Variants in DIAPH2 observed in about 807,000 individuals in gnomAD.
The protein encoded by DIAPH2 is diaphanous related formin 2.
A neutral mutation model predicts 92.7 loss-of-function variants in DIAPH2; 35 were observed. That is an observed-to-expected ratio of 0.38 (90% CI 0.29 to 0.50). DIAPH2 has a LOEUF of 0.50. Among genes scored for constraint, DIAPH2 ranks in the 20% least tolerant of loss-of-function variants. The probability of loss-of-function intolerance (pLI) is 0.94; values close to 1 mark genes in which losing one functional copy is unlikely to be tolerated. For synonymous variants in DIAPH2, 301 were observed against 280.4 expected, an observed-to-expected ratio of 1.07 and a Z score of -0.73; for missense variants, 701 against 819.5, an observed-to-expected ratio of 0.86 and a Z score of 1.77.
intron 22 of DIAPH2, among the ~76,000 whole-genome samples, chrX:97,161,865 A>G (rs1162049054): frequency 1.8e-5 from 2 of 111,631 alleles, no homozygotes; most frequent in African/African-American, 3.3e-5. Context: ...GGGTTTTACC[A>G]TTATGTTGCA....
intron 23 of DIAPH2, among the ~76,000 whole-genome samples, chrX:97,335,609 T>C (rs2147673439): frequency 8.9e-6 from 1 of 112,340 alleles, no homozygotes; most frequent in South Asian, 3.7e-4. Context: ...ACACCTGTTA[T>C]TTTTTAACTG....
chrX:97,516,355 A>G (rs962797270), intron 26 of DIAPH2, among the ~76,000 whole-genome samples: 4 of 112,334 alleles, frequency 3.6e-5, no homozygotes, highest in Non-Finnish European at 7.5e-5. Context: ...TGTGGGAAAT[A>G]TAAATGTAGA....
At chrX:96,812,213 A>T (rs955546791) in intron 4 of DIAPH2, among the ~76,000 whole-genome samples, 4 of 111,776 alleles carry the variant, frequency 3.6e-5, no homozygotes, top group African/African-American at 1.3e-4. Flanking sequence ...TTATTGGTCT[A>T]TTCAGGGATT....
intron 5 of DIAPH2, among the ~76,000 whole-genome samples, chrX:96,897,529 A>G (rs977268812): frequency 9.0e-6 from 1 of 110,904 alleles, no homozygotes; most frequent in Non-Finnish European, 1.9e-5. Flanking sequence ...AAGCAAATCA[A>G]GAAGATTTTT....
intron 23 of DIAPH2, among the ~76,000 whole-genome samples, chrX:97,300,963 AAAGAAG>A (rs1428181854): frequency 2.2e-3 from 72 of 32,128 alleles, no homozygotes; most frequent in African/African-American, 5.4e-3. Flanking sequence ...AAAAAAAAAA[AAAGAAG>A]AAGAAGAATG....
chrX:96,884,530 G>A (rs2065244278), intron 5 of DIAPH2: 2 of 1,210,450 alleles, frequency 1.7e-6, no homozygotes, highest in East Asian at 3.0e-5. Context: ...AGTTTCCCAG[G>A]TCTCCATCGT....
intron 1 of DIAPH2, among the ~76,000 whole-genome samples, chrX:96,695,146 T>C (rs2063818833): frequency 1.8e-5 from 2 of 111,537 alleles, no homozygotes; most frequent in African/African-American, 3.3e-5. Context: ...AGACAGGGTT[T>C]TGCCATTTTG....
chrX:97,104,032 A>G (rs1195975072), intron 20 of DIAPH2, among the ~76,000 whole-genome samples: 1 of 111,790 alleles, frequency 8.9e-6, no homozygotes, highest in Non-Finnish European at 1.9e-5. Flanking sequence ...CCTTTCAGTC[A>G]GAAATAGATC....
intron 23 of DIAPH2, among the ~76,000 whole-genome samples, chrX:97,289,153 A>G (rs1444786281): frequency 8.9e-6 from 1 of 111,737 alleles, no homozygotes; most frequent in African/African-American, 3.3e-5. Context: ...TGCTCTCTAA[A>G]TTGATGTTAA....
intron 1 of DIAPH2, among the ~76,000 whole-genome samples, chrX:96,721,810 A>G (rs2063990101): frequency 9.0e-6 from 1 of 111,320 alleles, no homozygotes; most frequent in African/African-American, 3.3e-5. Context: ...TTACCTCAGT[A>G]TGCCTTGGTT....
chrX:96,899,044 C>A (rs748161943), intron 5 of DIAPH2, among the ~76,000 whole-genome samples: 4 of 108,399 alleles, frequency 3.7e-5, no homozygotes, highest in Admixed American at 3.0e-4. Flanking sequence ...TGTAGATATG[C>A]GGCATTATTT....
rs1448837676 is a variant in DIAPH2, at chrX:97,094,041, G to A, written c.2248-5653G>A. The stretch of plus-strand genomic sequence containing the variant: ...TGAAAGCTTAGAAGATGAAAAGGAT[G>A]CCAGTTCTGTTGGCAGAATGAAGCC... On this transcript the variant is annotated intron_variant, in intron 19 of 26. Coordinates refer to ENST00000324765, the MANE Select transcript of DIAPH2 (RefSeq NM_006729.5). Among the ~76,000 whole-genome samples the A allele has an allele frequency of 3.6e-5, 4 of 111,772 alleles. No individual in the cohort carries two copies. The East Asian group carries it at 1.1e-3, about 31-fold the overall frequency.
intron 21 of DIAPH2, among the ~76,000 whole-genome samples, chrX:97,121,217 TAACAGAAACCA>T (rs1426521700): frequency 1.8e-5 from 2 of 112,154 alleles, no homozygotes; most frequent in African/African-American, 6.5e-5. Flanking sequence ...TGGACTGACA[TAACAGAAACCA>T]AAGGCTGAGT....
chrX:97,322,974 C>T (rs2068912407), intron 23 of DIAPH2, among the ~76,000 whole-genome samples: 1 of 99,313 alleles, frequency 1.0e-5, no homozygotes, highest in South Asian at 5.0e-4. Context: ...GGCTCAATCT[C>T]GGCTCACTTC....
chrX:96,722,440 T>A (rs2063994995), intron 1 of DIAPH2, among the ~76,000 whole-genome samples: 1 of 111,390 alleles, frequency 9.0e-6, no homozygotes, highest in South Asian at 3.8e-4. Flanking sequence ...CCTGTTTCCT[T>A]CCCTTCCTCT....
chrX:97,029,629 T>C (rs2066359644), intron 17 of DIAPH2, among the ~76,000 whole-genome samples: 1 of 111,605 alleles, frequency 9.0e-6, no homozygotes, highest in Admixed American at 9.5e-5. Context: ...ACCTCTGTTT[T>C]CCTCTAATAA....
chrX:97,404,258 T>C (rs1602565748), intron 25 of DIAPH2, among the ~76,000 whole-genome samples: 1 of 112,089 alleles, frequency 8.9e-6, no homozygotes, highest in Non-Finnish European at 1.9e-5. Flanking sequence ...CTTTTTTTAA[T>C]TGCAGTTATT....
chrX:97,239,016 G>A (rs2068070919), intron 22 of DIAPH2, among the ~76,000 whole-genome samples: 1 of 111,658 alleles, frequency 9.0e-6, no homozygotes, highest in Admixed American at 9.6e-5. Flanking sequence ...TTAGAGCAAA[G>A]ATGTAAGAAG....
chrX:97,194,344 T>G (rs61703848), intron 22 of DIAPH2, among the ~76,000 whole-genome samples: 1 of 104,740 alleles, frequency 9.5e-6, no homozygotes, highest in Non-Finnish European at 2.0e-5. Flanking sequence ...TGCAGTGGCG[T>G]GATCTTGGCT....
Sources: allele counts gnomAD v4.1 joint callset (sites outside exome capture counted in the v4.1 genomes callset), GRCh38; gene constraint gnomAD v4.1.1; transcripts MANE v1.5; gene names NCBI Gene and HGNC (gene_info 2026-07-23, HGNC 2026-07-21).